Variants in ASAP2 observed in about 807,000 individuals in gnomAD.
The protein encoded by ASAP2 is ArfGAP with SH3 domain, ankyrin repeat and PH domain 2, also known as arf-GAP with SH3 domain, ANK repeat and PH domain-containing protein 2.
ASAP2 carries 45 observed loss-of-function variants against 131.4 expected under a neutral mutation model. The observed-to-expected ratio is 0.34, with a 90% CI of 0.27 to 0.44. The LOEUF is 0.44. ASAP2 is among the 20% of genes least tolerant of loss of function. The pLI is 1.00. For missense variants in ASAP2, 1,011 were observed against 1,297.0 expected, an observed-to-expected ratio of 0.78 and a Z score of 3.39; for synonymous variants, 510 against 503.0, an observed-to-expected ratio of 1.01 and a Z score of -0.19.
chr2:9,400,266 T>TCCCCTCCTGCCCCCTC (rs1676537493), intron 25 of ASAP2, among the ~76,000 whole-genome samples, 194 bp downstream of exon 25: 1 of 80,364 alleles, frequency 1.2e-5, no homozygotes, highest in Non-Finnish European at 2.4e-5. Context: ...CCTGCCCTCT[T>TCCCCTCCTGCCCCCTC]CCTCTCCTTC....
chr2:9,350,879 C>T lies in ASAP2; in HGVS notation c.1095C>T (p.Cys365=). 2 of 1,612,314 alleles carry T rather than the reference C, an allele frequency of 1.2e-6. No homozygotes were observed. The highest frequency in any genetic ancestry group is 8.5e-7 in the Non-Finnish European group (1 of 1,178,800). ...QVKTNPEEKK[C]FDLISHDRTY... ...AGACCAACCCTGAGGAGAAGAAGTG[C>T]TTTGACCTCATTTCACGTAAGGCTC... Residue 365 remains cysteine, a synonymous_variant, in exon 12 of 28, where the codon TGC becomes TGT. Transcript: ENST00000281419.
At chr2:9,343,921 G>C (rs1441693192) in intron 9 of ASAP2, among the ~76,000 whole-genome samples, 1 of 152,226 alleles carries the variant, frequency 6.6e-6, no homozygotes, top group Non-Finnish European at 1.5e-5. Flanking sequence ...GTTTACCTAT[G>C]ATTAAGCTCC....
chr2:9,401,742 C>A (rs900725520), intron 27 of ASAP2, among the ~76,000 whole-genome samples: 3 of 152,218 alleles, frequency 2.0e-5, no homozygotes, highest in Non-Finnish European at 4.4e-5. Context: ...GAGAGCTGAC[C>A]TAGAGCGCAG....
chr2:9,330,389 T>C (rs1250761204), intron 7 of ASAP2, among the ~76,000 whole-genome samples: 1 of 151,746 alleles, frequency 6.6e-6, no homozygotes, highest in Non-Finnish European at 1.5e-5. Context: ...ATGTAGAGAG[T>C]AGAGTGACAG....
At chr2:9,387,083 G>C (rs544399840) in intron 21 of ASAP2, among the ~76,000 whole-genome samples, 13 of 150,436 alleles carry the variant, frequency 8.6e-5, no homozygotes, top group South Asian at 8.6e-4. Context: ...GTGGGTGGGG[G>C]GGCGCCTGTA....
chr2:9,217,167 TG>T lies in ASAP2; in HGVS notation c.126+9938del, dbSNP rs1662109644. The stretch of plus-strand genomic sequence containing the variant: ...CCGTGCCCACCAAGGCCCTTGGTGT[TG>T]CAGCCTCTGTGGCCAGCATGCCCTC... On this transcript the variant is annotated intron_variant, in intron 1 of 27. Coordinates refer to ENST00000281419, the MANE Select transcript of ASAP2 (RefSeq NM_003887.3). This position sits in a 1 kb window ranked among gnomAD's most constrained non-coding sequence, Gnocchi z 4.0. Among the ~76,000 whole-genome samples the T allele has an allele frequency of 6.6e-6, 1 of 152,172 alleles. No individual in the cohort carries two copies. The highest frequency in any genetic ancestry group is 2.1e-4 in the South Asian group (1 of 4,832).
chr2:9,222,155 G>A (rs1662470715), intron 1 of ASAP2, among the ~76,000 whole-genome samples: 1 of 152,182 alleles, frequency 6.6e-6, no homozygotes, highest in Non-Finnish European at 1.5e-5. Flanking sequence ...GATTTGCACA[G>A]AATAGGTGCT....
rs188091524 is a variant in ASAP2, at chr2:9,376,872, A to G, written c.1747-36A>G. 2.1e-4 allele frequency: 329 copies of G among 1,576,512 alleles called. 1 individual carries two copies. In the Admixed American group the frequency reaches 5.4e-3, roughly 26 times the overall value. On this transcript the variant is annotated intron_variant, in intron 17 of 27. Coordinates refer to ENST00000281419, the MANE Select transcript of ASAP2 (RefSeq NM_003887.3). ...GTTGGACACAGAATTGAATGCTCCC[A>G]TTAGAATTCTGGAATGCCTTTGTTT...
chr2:9,369,929 C>G (rs1673804332), intron 16 of ASAP2, among the ~76,000 whole-genome samples: 1 of 152,162 alleles, frequency 6.6e-6, no homozygotes, highest in African/African-American at 2.4e-5. Context: ...GCAGCATCCG[C>G]CTCCTGGGTT....
chr2:9,269,778 A>G (rs1267968595), intron 1 of ASAP2, among the ~76,000 whole-genome samples: 1 of 152,234 alleles, frequency 6.6e-6, no homozygotes. Context: ...TCTTTATAGA[A>G]ACATTCCTCT....
intron 1 of ASAP2, among the ~76,000 whole-genome samples, chr2:9,208,677 C>G (rs1661321539): frequency 6.6e-6 from 1 of 152,178 alleles, no homozygotes; most frequent in Non-Finnish European, 1.5e-5. Flanking sequence ...CTTAATTCTA[C>G]TTTTAGCAGC....
At position 9,404,371 on chromosome 2, in the gene ASAP2, C is replaced by G. The variant is rs1327262037; in HGVS notation, c.*1044C>G. The G allele has an allele frequency of 1.3e-5, 2 of 152,176 alleles. No homozygotes were observed. Among genetic ancestry groups the G allele is most frequent in the Non-Finnish European group, 2.9e-5 (2 of 68,034 alleles). 9.4% of individuals were successfully genotyped at this position (152,176 alleles called of 1,614,324 possible). A position where few individuals can be genotyped will look rare whatever the true frequency, so the allele number is the denominator to read the frequency against. On this transcript the variant is annotated 3_prime_UTR_variant, in exon 28 of 28. Coordinates refer to ENST00000281419, the MANE Select transcript of ASAP2 (RefSeq NM_003887.3). ...AAGAACATATCAGAAATATATAGGT[C>G]CCAGGTAATACTCCCAAACATCCCA...
chr2:9,346,712 C>T lies in ASAP2; in HGVS notation c.1023+1912C>T, dbSNP rs142510578. Among the ~76,000 whole-genome samples the T allele has an allele frequency of 1.8e-4, 27 of 152,352 alleles. No individual in the cohort carries two copies. In the East Asian group the frequency reaches 3.9e-3, roughly 22 times the overall value. On this transcript the variant is annotated intron_variant, in intron 11 of 27. Transcript: ENST00000281419. ...AACTAAGTTCTAGTTCATGCTTTTA[C>T]AGCTCTGAAGTCAAGGGGCATATTT...
intron 1 of ASAP2, among the ~76,000 whole-genome samples, chr2:9,262,178 G>GA (rs375935098): frequency 5.3e-5 from 8 of 150,710 alleles, no homozygotes; most frequent in South Asian, 2.1e-4. Context: ...AATGTTGATG[G>GA]AAAAAAAAAT....
At chr2:9,344,919 CT>C in intron 11 of ASAP2, 119 bp downstream of exon 11, 1 of 780,040 alleles carries the variant, frequency 1.3e-6, no homozygotes, top group Non-Finnish European at 2.0e-6. Flanking sequence ...AAGGATGTGT[CT>C]TAGAGAATTT....
At chr2:9,239,704 T>C (rs1236096085) in intron 1 of ASAP2, among the ~76,000 whole-genome samples, 1 of 152,180 alleles carries the variant, frequency 6.6e-6, no homozygotes, top group African/African-American at 2.4e-5. Context: ...GTTGTCGTTG[T>C]TGTTGAAACC....
chr2:9,399,918 C>A, intron 24 of ASAP2, 105 bp from the exon 25 acceptor site: 2 of 1,192,626 alleles, frequency 1.7e-6, no homozygotes, highest in Non-Finnish European at 2.5e-6. Flanking sequence ...GAAACCACCT[C>A]ACACACTCTG....
At chr2:9,298,813 T>C (rs1158055695) in intron 3 of ASAP2, among the ~76,000 whole-genome samples, 1 of 152,214 alleles carries the variant, frequency 6.6e-6, no homozygotes, top group African/African-American at 2.4e-5. Context: ...CACACAGAGC[T>C]GCCTGTTAGC....
At chr2:9,329,683 G>C (rs1670705312) in intron 7 of ASAP2, among the ~76,000 whole-genome samples, 1 of 152,238 alleles carries the variant, frequency 6.6e-6, no homozygotes, top group South Asian at 2.1e-4. Flanking sequence ...CTGGCTTCGT[G>C]ACAGCGGGAG....
Sources: gnomAD v4.1 joint callset for allele counts (sites outside exome capture counted in the v4.1 genomes callset) on GRCh38, gnomAD v4.1.1 for gene constraint, Gnocchi (gnomAD v3.1) non-coding constraint, MANE v1.5 for transcripts, NCBI Gene and HGNC (gene_info 2026-07-23, HGNC 2026-07-21) for gene names.